The following CEP126 variants were observed in gnomAD, a reference collection of about 807,000 sequenced individuals.
CEP126 encodes the protein centrosomal protein of 126 kDa.
Under a neutral mutation model 107.8 loss-of-function variants are expected in CEP126, and 74 were observed. That is an observed-to-expected ratio of 0.69 (90% confidence interval 0.57 to 0.83). CEP126 has a LOEUF of 0.83. Among genes scored for constraint, CEP126 ranks in the 40% least tolerant of loss-of-function variants. The pLI, the probability that CEP126 is intolerant of heterozygous loss-of-function variation, is 0.00. For synonymous variants in CEP126, 449 were observed against 446.0 expected (o/e 1.01, Z -0.08); for missense variants, 1,237 against 1,281.9 (o/e 0.96, Z 0.53).
At chr11:101,943,763 C>T (rs1940698839) in intron 2 of CEP126, among the ~76,000 whole-genome samples, 1 of 152,026 alleles carries the variant, frequency 6.6e-6, no homozygotes, top group Non-Finnish European at 1.5e-5. Flanking sequence ...TGAAGAGAAA[C>T]TGGAAATCCA....
intron 2 of CEP126, among the ~76,000 whole-genome samples, chr11:101,931,580 G>T (rs1940501427): frequency 6.6e-6 from 1 of 151,996 alleles, no homozygotes; most frequent in Non-Finnish European, 1.5e-5. Context: ...CTTTCAAGAA[G>T]AACAATTTAT....
chr11:101,997,466 ATCT>A, intron 10 of CEP126, 130 bp from the exon 11 acceptor site: 1 of 1,401,140 alleles, frequency 7.1e-7, no homozygotes, highest in Non-Finnish European at 9.7e-7. Flanking sequence ...GTCCTCTGCA[ATCT>A]TAAACTCATT....
intron 5 of CEP126, among the ~76,000 whole-genome samples, chr11:101,958,873 G>A (rs143800517): frequency 5.5e-4 from 83 of 152,244 alleles, no homozygotes; most frequent in African/African-American, 1.8e-3. Flanking sequence ...ATCAACAGTG[G>A]CAAGGCTAAG....
chr11:101,989,963 A>C (rs1941358618), intron 9 of CEP126, among the ~76,000 whole-genome samples: 2 of 151,702 alleles, frequency 1.3e-5, no homozygotes, highest in African/African-American at 2.4e-5. Context: ...CCATCTCAAA[A>C]ACAAAAAGGA....
rs1941483399 is a variant in CEP126 at position 101,999,547 on chromosome 11, T to C, written c.*1904T>C. 1 of 150,980 alleles carries C rather than the reference T, an allele frequency of 6.6e-6. No homozygotes were observed. The highest frequency in any genetic ancestry group is 1.5e-5 in the Non-Finnish European group (1 of 67,874). 9.4% of individuals were successfully genotyped at this position (150,980 alleles called of 1,614,324 possible). A position where few individuals can be genotyped will look rare whatever the true frequency, so the allele number is the denominator to read the frequency against. Reference sequence around the variant, plus strand: ...CTGGTGAAACAAGATAAGATTTGCATTTTACTAGAACTTGCACATTATGAT... The same window carrying C: ...CTGGTGAAACAAGATAAGATTTGCACTTTACTAGAACTTGCACATTATGAT... On this transcript the variant is annotated 3_prime_UTR_variant, in exon 11 of 11. Coordinates refer to ENST00000263468, the MANE Select transcript of CEP126 (RefSeq NM_020802.4).
chr11:101,960,283 A>G (rs915450873), intron 5 of CEP126, among the ~76,000 whole-genome samples: 2 of 152,224 alleles, frequency 1.3e-5, no homozygotes, highest in South Asian at 2.1e-4. Context: ...GAAGTTGCCA[A>G]ACTTCTTCTG....
At chr11:101,961,566 T>C (rs1940969127) in intron 5 of CEP126, among the ~76,000 whole-genome samples, 175 bp from the exon 6 acceptor site, 1 of 152,022 alleles carries the variant, frequency 6.6e-6, no homozygotes, top group Non-Finnish European at 1.5e-5. Flanking sequence ...TACCTCCCAA[T>C]TTTTTACCTT....
intron 9 of CEP126, among the ~76,000 whole-genome samples, chr11:101,988,234 A>C (rs964181865): frequency 3.3e-5 from 5 of 152,210 alleles, no homozygotes; most frequent in African/African-American, 1.2e-4. Flanking sequence ...TGGCCCAAAT[A>C]GAATGCCTGG....
In CEP126 at chr11:101,987,003, T is replaced by C. The variant is rs1941324207; in HGVS notation, c.3206T>C (p.Ile1069Thr). The change falls in exon 9 of 11, where the codon ATC (isoleucine) becomes ACC (threonine). Residue 1069 changes from isoleucine (I) to threonine (T), a missense_variant. Coordinates refer to ENST00000263468, the MANE Select transcript of CEP126 (RefSeq NM_020802.4). ...ICTLSAEEQK[I>T]LESLNDLSER... ...ACACTGTCAGCTGAAGAACAGAAGA[T>C]CCTAGAGTCCCTTAATGATCTCAGT... 2 of 1,613,154 alleles carry C rather than the reference T, an allele frequency of 1.2e-6. No individual in the cohort carries two copies. The highest frequency in any genetic ancestry group is 1.3e-5 in the African/African-American group (1 of 74,868).
At position 101,915,057 on chromosome 11, in the gene CEP126, C is replaced by T. The variant is rs562134120; in HGVS notation, c.-228C>T. On this transcript the variant is annotated 5_prime_UTR_variant, in exon 1 of 11. Coordinates refer to ENST00000263468, the MANE Select transcript of CEP126 (RefSeq NM_020802.4). ...TGGCGGCTGCAGGGTTGCTGCCGCC[C>T]CATCTGCTATTGCCCGGCGAGGTCG... The T allele has an allele frequency of 3.9e-6, 2 of 514,184 alleles. No individual in the cohort carries two copies. Among genetic ancestry groups the T allele is most frequent in the Non-Finnish European group, 3.3e-6 (1 of 299,190 alleles). 31.9% of individuals were successfully genotyped at this position (514,184 alleles called of 1,614,324 possible).
At chr11:101,930,429 C>T (rs548551081) in intron 2 of CEP126, among the ~76,000 whole-genome samples, 47 of 152,060 alleles carry the variant, frequency 3.1e-4, no homozygotes, top group Non-Finnish European at 5.9e-4. Context: ...CTGGTGGGTT[C>T]GTGGTCTCGC....
chr11:101,920,664 C>T (rs1161681021), intron 1 of CEP126, among the ~76,000 whole-genome samples: 1 of 149,038 alleles, frequency 6.7e-6, no homozygotes, highest in African/African-American at 2.5e-5. Context: ...AGTATAGTGG[C>T]GTGTTCTTAG....
chr11:101,915,205 C>A lies in CEP126; in HGVS notation c.-80C>A. 6.3e-7 allele frequency: 1 copy of A among 1,582,038 alleles called. No individual in the cohort carries two copies. On this transcript the variant is annotated 5_prime_UTR_variant, in exon 1 of 11. Coordinates refer to ENST00000263468, the MANE Select transcript of CEP126 (RefSeq NM_020802.4). ...CTGAGAGACGGAGTGTAGGGAGGGG[C>A]CGAGCAGGAGGAGGAGGAAGCCGGA...
At chr11:101,964,652 A>G (rs1226327464) in intron 6 of CEP126, among the ~76,000 whole-genome samples, 1 of 151,288 alleles carries the variant, frequency 6.6e-6, no homozygotes, top group Non-Finnish European at 1.5e-5. Context: ...AAAAAAAACA[A>G]CAACAACATT....
intron 6 of CEP126, among the ~76,000 whole-genome samples, chr11:101,972,637 C>T (rs1941145152): frequency 6.6e-6 from 1 of 151,608 alleles, no homozygotes; most frequent in Non-Finnish European, 1.5e-5. Flanking sequence ...CCTGTCTCTA[C>T]TAAAAATACA....
chr11:101,921,773 A>ATTTT (rs1940331218), intron 1 of CEP126, among the ~76,000 whole-genome samples: 1 of 95,048 alleles, frequency 1.1e-5, no homozygotes, highest in Non-Finnish European at 2.1e-5. Flanking sequence ...GAAGTTCATG[A>ATTTT]TTTCTTTTTT....
chr11:101,958,111 T>A (rs1412567589), intron 4 of CEP126, 57 bp from the exon 5 acceptor site: 31 of 1,449,516 alleles, frequency 2.1e-5, no homozygotes, highest in Non-Finnish European at 2.1e-5. Flanking sequence ...TATATACATA[T>A]AGAAAGAAGT....
At position 101,922,752 on chromosome 11, in the gene CEP126, G is replaced by C. The variant is rs1486206175; in HGVS notation, c.240G>C (p.Arg80=). 6 of 1,610,834 alleles carry C rather than the reference G, an allele frequency of 3.7e-6. No homozygotes were observed. The South Asian group carries it at 6.6e-5, about 18-fold the overall frequency. ...RARKYFVESN[R]RKKAFEEKRK... is the part of the protein sequence containing the mutation. ...GTAAATATTTTGTGGAGTCAAATCGGAGAAAAAAGTAAGTAATTGCACTTT... is the reference window on the plus strand; with the variant it reads ...GTAAATATTTTGTGGAGTCAAATCGCAGAAAAAAGTAAGTAATTGCACTTT... The change falls in exon 2 of 11, where the codon CGG becomes CGC. Residue 80 remains arginine (R), a synonymous_variant. Coordinates refer to ENST00000263468, the MANE Select transcript of CEP126 (RefSeq NM_020802.4).
intron 5 of CEP126, among the ~76,000 whole-genome samples, chr11:101,961,170 T>G (rs1565360731): frequency 6.6e-6 from 1 of 152,094 alleles, no homozygotes; most frequent in Non-Finnish European, 1.5e-5. Context: ...CATCCAAGTA[T>G]TAAATCAGCA....
Sources: allele counts gnomAD v4.1 joint callset (sites outside exome capture counted in the v4.1 genomes callset), GRCh38; gene constraint gnomAD v4.1.1; transcripts MANE v1.5; gene names NCBI Gene and HGNC (gene_info 2026-07-23, HGNC 2026-07-21).